The following POLR1A variants were observed in gnomAD, a reference collection of about 807,000 sequenced individuals.
POLR1A encodes the protein DNA-directed RNA polymerase I subunit RPA1.
Under a neutral mutation model 205.3 loss-of-function variants are expected in POLR1A, and 84 were observed. That is an observed-to-expected ratio of 0.41 (90% CI 0.34 to 0.49). POLR1A has a LOEUF of 0.49. Among genes scored for constraint, POLR1A ranks in the 20% least tolerant of loss-of-function variants. POLR1A has a pLI of 0.22. For synonymous variants in POLR1A, 799 were observed against 863.7 expected, an observed-to-expected ratio of 0.93 and a Z score of 1.31; for missense variants, 1,645 against 2,204.5, an observed-to-expected ratio of 0.75 and a Z score of 5.08.
intron 1 of POLR1A, among the ~76,000 whole-genome samples, chr2:86,103,923 G>A (rs1673869536): frequency 6.6e-6 from 1 of 152,196 alleles, no homozygotes; most frequent in Non-Finnish European, 1.5e-5. Flanking sequence ...CATGCAGAGG[G>A]AATAGCTTAA....
At chr2:86,039,194 AG>A in intron 26 of POLR1A, 132 bp downstream of exon 26, 1 of 981,480 alleles carries the variant, frequency 1.0e-6, no homozygotes, top group Non-Finnish European at 1.5e-6. Flanking sequence ...CACCTGGCAG[AG>A]ACAGCTTATC....
chr2:86,086,625 C>A (rs893351036), intron 6 of POLR1A, among the ~76,000 whole-genome samples: 12 of 152,210 alleles, frequency 7.9e-5, no homozygotes, highest in African/African-American at 2.9e-4. Flanking sequence ...TACTGAATAC[C>A]CAAGCCTGGA....
chr2:86,102,011 C>T (rs545520573), intron 1 of POLR1A, among the ~76,000 whole-genome samples: 6 of 152,306 alleles, frequency 3.9e-5, no homozygotes, highest in South Asian at 4.1e-4. Flanking sequence ...CATGTATATA[C>T]CACATTTTAT....
intron 28 of POLR1A, among the ~76,000 whole-genome samples, chr2:86,033,361 C>T (rs1414067617): frequency 2.0e-5 from 3 of 152,240 alleles, no homozygotes; most frequent in East Asian, 1.9e-4. Flanking sequence ...GCCATGACCT[C>T]GAGTCCCTCC....
chr2:86,074,182 C>T (rs12994838), intron 12 of POLR1A, among the ~76,000 whole-genome samples: 56,749 of 152,076 alleles, frequency 0.37, 13,309 homozygotes, highest in Non-Finnish European at 0.53. Context: ...CTTTTCCTCT[C>T]GGTTCCTCCA....
At chr2:86,036,373 CT>C (rs1672496201) in intron 27 of POLR1A, among the ~76,000 whole-genome samples, 1 of 152,186 alleles carries the variant, frequency 6.6e-6, no homozygotes, top group South Asian at 2.1e-4. Context: ...TCTGGGGGGC[CT>C]TCTACGCTTG....
intron 3 of POLR1A, among the ~76,000 whole-genome samples, chr2:86,092,565 C>T (rs1165010389): frequency 6.6e-6 from 1 of 152,252 alleles, no homozygotes; most frequent in Admixed American, 6.5e-5. Context: ...TGGCTCATGC[C>T]TGTAATCCCA....
chr2:86,104,475 G>T (rs1230022643), intron 1 of POLR1A, among the ~76,000 whole-genome samples: 13 of 137,184 alleles, frequency 9.5e-5, no homozygotes, highest in Admixed American at 1.5e-4. Flanking sequence ...TTGAGACAGA[G>T]TATTGCTCTG....
At chr2:86,056,041 A>G (rs1482524147) in intron 14 of POLR1A, among the ~76,000 whole-genome samples, 5 of 152,360 alleles carry the variant, frequency 3.3e-5, no homozygotes, top group East Asian at 1.9e-4. Context: ...AAGTGCCAAC[A>G]AAACAAATTA....
rs148168643 is a variant in POLR1A at position 86,093,755 on chromosome 2, G to A, written c.433-3826C>T. Among the ~76,000 whole-genome samples the A allele has an allele frequency of 6.8e-3, 1,037 of 152,262 alleles. 12 individuals carry two copies. Among genetic ancestry groups the A allele is most frequent in the South Asian group, 0.017 (83 of 4,824 alleles). ...TGAGGTGGGAGATCGCTTGAACCCC[G>A]GAGGCAGAGGTTGCAGAGAGCCGAG... On this transcript the variant is annotated intron_variant, in intron 3 of 33. Transcript: ENST00000263857.
rs749448645 is a variant in POLR1A at position 86,040,573 on chromosome 2, TG to T, written c.3573-15del. ...AAGGTCCTCAACCTAGAGACGGTGG[TG>T]GGGGGTCAGGGTGGGGGTTGTGGCA... On this transcript the variant is annotated splice_polypyrimidine_tract_variant and intron_variant, in intron 24 of 33. Coordinates refer to ENST00000263857, the MANE Select transcript of POLR1A (RefSeq NM_015425.6). 1.7e-5 allele frequency: 26 copies of T among 1,521,800 alleles called. No individual in the cohort carries two copies. Among genetic ancestry groups the T allele is most frequent in the Admixed American group, 3.9e-5 (2 of 51,726 alleles). The allele number at this position is 1,521,800 out of a possible 1,614,324, so 94.3% of individuals were successfully genotyped here.
intron 16 of POLR1A, among the ~76,000 whole-genome samples, chr2:86,050,984 G>T (rs1212733964): frequency 6.6e-6 from 1 of 152,146 alleles, no homozygotes; most frequent in Non-Finnish European, 1.5e-5. Flanking sequence ...CCTTATCCTG[G>T]TAAAATAATG....
Position 86,020,356 on chromosome 2 carries a change from G to C in POLR1A, c.*7067C>G, listed in dbSNP as rs1024082833. ...CGTGTGAGCTCAGGAGTTTGAGCCT[G>C]GGCAACATGGTGAAACCCCGTCTCT... On this transcript the variant is annotated 3_prime_UTR_variant, in exon 34 of 34. Coordinates refer to ENST00000263857, the MANE Select transcript of POLR1A (RefSeq NM_015425.6). The C allele has an allele frequency of 6.6e-6, 1 of 151,982 alleles. No homozygotes were observed. Among genetic ancestry groups the C allele is most frequent in the South Asian group, 2.1e-4 (1 of 4,812 alleles). 9.4% of individuals were successfully genotyped at this position (151,982 alleles called of 1,614,324 possible).
chr2:86,098,051 T>C lies in POLR1A; in HGVS notation c.432+560A>G, dbSNP rs559394706. ...ACAAAAAAAGACCAAAAAAACCAAA[T>C]ACAAGAAGTAAACAAAGTAAGCATT... On this transcript the variant is annotated intron_variant, in intron 3 of 33. Coordinates refer to ENST00000263857, the MANE Select transcript of POLR1A (RefSeq NM_015425.6). Among the ~76,000 whole-genome samples, 545 of 152,146 alleles carry C rather than the reference T, an allele frequency of 3.6e-3. 2 individuals are homozygous for C. Among genetic ancestry groups the C allele is most frequent in the Non-Finnish European group, 6.3e-3 (429 of 67,968 alleles).
chr2:86,040,121 A>G (rs1012294039), intron 25 of POLR1A: 5 of 339,460 alleles, frequency 1.5e-5, no homozygotes, highest in Admixed American at 9.0e-5. Flanking sequence ...TCCTTCCCCC[A>G]GCAGTGTGCA....
chr2:86,097,244 C>CAAAAAAAAAAAAAAAAAAAAAAA (rs1213876753), intron 3 of POLR1A, among the ~76,000 whole-genome samples: 44 of 40,684 alleles, frequency 1.1e-3, no homozygotes, highest in African/African-American at 2.8e-3. Context: ...AAAAAAAAAG[C>CAAAAAAAAAAAAAAAAAAAAAAA]AAATGCTGGT....
intron 8 of POLR1A, 115 bp downstream of exon 8, chr2:86,081,486 G>T: frequency 1.6e-6 from 1 of 633,476 alleles, no homozygotes; most frequent in South Asian, 2.1e-5. Context: ...CACCTGGAGC[G>T]GAACTGCAGC....
At chr2:86,044,398 G>A in intron 21 of POLR1A, 94 bp from the exon 22 acceptor site, 1 of 1,354,158 alleles carries the variant, frequency 7.4e-7, no homozygotes, top group Admixed American at 1.8e-5. Flanking sequence ...GGAGGGAAAG[G>A]GGGGCTCCTG....
intron 16 of POLR1A, among the ~76,000 whole-genome samples, chr2:86,050,373 T>C (rs528800348): frequency 2.6e-5 from 4 of 152,328 alleles, no homozygotes; most frequent in African/African-American, 7.2e-5. Context: ...TCTAAGAACA[T>C]GTGTGAACAG....
Sources: gnomAD v4.1 joint callset for allele counts (sites outside exome capture counted in the v4.1 genomes callset) on GRCh38, gnomAD v4.1.1 for gene constraint, MANE v1.5 for transcripts, NCBI Gene and HGNC (gene_info 2026-07-23, HGNC 2026-07-21) for gene names.